The following R3HDM2 variants were observed in gnomAD, a reference collection of about 807,000 sequenced individuals.
R3HDM2 encodes the protein R3H domain-containing protein 2.
Under a neutral mutation model 124.5 loss-of-function variants are expected in R3HDM2, and 38 were observed. That is an observed-to-expected ratio of 0.31 (90% CI 0.24 to 0.40). The LOEUF (loss-of-function observed/expected upper bound fraction) is 0.40. R3HDM2 is among the 10% of genes least tolerant of loss of function. R3HDM2 has a pLI of 1.00. For synonymous variants in R3HDM2, 391 were observed against 448.0 expected, an observed-to-expected ratio of 0.87 and a Z score of 1.61; for missense variants, 869 against 1,236.9, an observed-to-expected ratio of 0.70 and a Z score of 4.46.
chr12:57,387,946 C>T (rs1258755873), intron 2 of R3HDM2, among the ~76,000 whole-genome samples: 8 of 144,890 alleles, frequency 5.5e-5, no homozygotes, highest in Non-Finnish European at 1.0e-4. Context: ...GAAGCAGGGG[C>T]CTCAAGACAG....
intron 12 of R3HDM2, among the ~76,000 whole-genome samples, chr12:57,288,210 T>G (rs2047804057): frequency 6.6e-6 from 1 of 151,922 alleles, no homozygotes; most frequent in South Asian, 2.1e-4. Context: ...TTCACCATCT[T>G]GGCCAGGCTG....
intron 2 of R3HDM2, among the ~76,000 whole-genome samples, chr12:57,370,374 TA>T (rs1378747692): frequency 7.4e-6 from 1 of 135,976 alleles, no homozygotes; most frequent in Non-Finnish European, 1.5e-5. Context: ...CTCATGCCTC[TA>T]ATCACAGCAC....
chr12:57,334,099 C>T (rs867306351), intron 2 of R3HDM2, among the ~76,000 whole-genome samples: 5 of 152,024 alleles, frequency 3.3e-5, no homozygotes, highest in South Asian at 2.1e-4. Context: ...CTCCTCTAGT[C>T]CAGAAGGTCA....
chr12:57,350,372 C>T (rs558382434), intron 2 of R3HDM2, among the ~76,000 whole-genome samples: 3 of 151,862 alleles, frequency 2.0e-5, no homozygotes, highest in African/African-American at 7.2e-5. Context: ...TGTTTAAATT[C>T]CCATAAGAAA....
intron 2 of R3HDM2, among the ~76,000 whole-genome samples, chr12:57,387,966 A>ATTT (rs56926878): frequency 0.64 from 97,005 of 150,936 alleles, 31,859 homozygotes; most frequent in Middle Eastern, 0.85. Flanking sequence ...GACAAAAAAA[A>ATTT]TTTTTTTTTT....
intron 2 of R3HDM2, among the ~76,000 whole-genome samples, chr12:57,390,341 G>C (rs1188584709): frequency 3.3e-5 from 5 of 152,116 alleles, no homozygotes; most frequent in Non-Finnish European, 5.9e-5. Flanking sequence ...TCCAAGAAAT[G>C]TAACAGGGAA....
chr12:57,379,211 A>G (rs557643169), intron 2 of R3HDM2, among the ~76,000 whole-genome samples: 76 of 152,336 alleles, frequency 5.0e-4, no homozygotes, highest in Non-Finnish European at 3.8e-4. Flanking sequence ...AAGAGGGTTA[A>G]TTCTGTTAAA....
At chr12:57,336,153 G>T (rs2058824673) in intron 2 of R3HDM2, among the ~76,000 whole-genome samples, 1 of 151,394 alleles carries the variant, frequency 6.6e-6, no homozygotes. Flanking sequence ...AAAAATAACA[G>T]ATGCTGGTGA....
At chr12:57,273,020 A>C (rs538246084) in intron 14 of R3HDM2, among the ~76,000 whole-genome samples, 1 of 152,276 alleles carries the variant, frequency 6.6e-6, no homozygotes, top group East Asian at 1.9e-4. Flanking sequence ...TTCTGCAGGA[A>C]GGGTCATCCA....
chr12:57,300,089 A>G lies in R3HDM2; in HGVS notation c.294+6T>C. ...AAAGCTACACTTACTCCTGCAAATGACCTACCTGGGTTTCTAATGGCCCAT... is the reference window on the plus strand; with the variant it reads ...AAAGCTACACTTACTCCTGCAAATGGCCTACCTGGGTTTCTAATGGCCCAT... On this transcript the variant is annotated splice_donor_region_variant and intron_variant, in intron 5 of 23. Transcript: ENST00000402412. The G allele has an allele frequency of 6.5e-7, 1 of 1,549,256 alleles. No homozygotes were observed. Among genetic ancestry groups the G allele is most frequent in the South Asian group, 1.2e-5 (1 of 84,010 alleles).
At chr12:57,427,354 G>C (rs1254340348) in intron 1 of R3HDM2, among the ~76,000 whole-genome samples, 2 of 88,376 alleles carry the variant, frequency 2.3e-5, no homozygotes, top group African/African-American at 8.7e-5. Flanking sequence ...CTCTCCTGAA[G>C]CTTTTTTTTT....
At chr12:57,328,133 G>A (rs1303892116) in intron 2 of R3HDM2, among the ~76,000 whole-genome samples, 2 of 149,174 alleles carry the variant, frequency 1.3e-5, no homozygotes, top group South Asian at 2.1e-4. Flanking sequence ...GTGCAGTGGC[G>A]CGATCACAGC....
chr12:57,262,211 T>G lies in R3HDM2; in HGVS notation c.2132-3152A>C, dbSNP rs199569865. On this transcript the variant is annotated intron_variant, in intron 19 of 23. Coordinates refer to ENST00000402412, the MANE Select transcript of R3HDM2 (RefSeq NM_001394031.1). The stretch of plus-strand genomic sequence containing the variant: ...TCCTTTTTTTGGTGGGGGAGTAGGA[T>G]ATCTTCACTAAATGGAAGACGAAAG... 5.9e-5 allele frequency among the ~76,000 whole-genome samples: 9 copies of G among 152,286 alleles called. No homozygotes were observed. The East Asian group carries it at 1.7e-3, about 29-fold the overall frequency.
At chr12:57,290,812 A>G (rs754925652) in intron 11 of R3HDM2, among the ~76,000 whole-genome samples, 7 of 152,132 alleles carry the variant, frequency 4.6e-5, no homozygotes, top group Non-Finnish European at 1.0e-4. Context: ...GGGTTTCTCC[A>G]TGATGGTCAG....
Position 57,427,031 on chromosome 12 carries a change from G to A in R3HDM2, c.-106+3689C>T, listed in dbSNP as rs541463515. ...AATGTGGCTGGGCACAGAGGCTCACGCCTACAATCCCAGCACTTTGGGAGG... is the reference window on the plus strand; with the variant it reads ...AATGTGGCTGGGCACAGAGGCTCACACCTACAATCCCAGCACTTTGGGAGG... On this transcript the variant is annotated intron_variant, in intron 1 of 23. Coordinates refer to ENST00000402412, the MANE Select transcript of R3HDM2 (RefSeq NM_001394031.1). Among the ~76,000 whole-genome samples, 25 of 152,296 alleles carry A rather than the reference G, an allele frequency of 1.6e-4. No homozygotes were observed. In the Middle Eastern group the frequency reaches 0.017, roughly 104 times the overall value.
intron 13 of R3HDM2, among the ~76,000 whole-genome samples, chr12:57,283,398 G>A (rs894351872): frequency 6.6e-6 from 1 of 152,084 alleles, no homozygotes; most frequent in Non-Finnish European, 1.5e-5. Flanking sequence ...CCTTCCCCTG[G>A]CTGTATTAGG....
chr12:57,411,474 A>T (rs1327226755), intron 1 of R3HDM2, among the ~76,000 whole-genome samples: 2 of 152,210 alleles, frequency 1.3e-5, no homozygotes, highest in Non-Finnish European at 2.9e-5. Context: ...CAGAATTGTA[A>T]CTATTTCAAA....
At chr12:57,318,989 G>A (rs2055781143) in intron 2 of R3HDM2, among the ~76,000 whole-genome samples, 1 of 152,106 alleles carries the variant, frequency 6.6e-6, no homozygotes, top group South Asian at 2.1e-4. Context: ...TCTAACTAAG[G>A]GGAGAAATAG....
At chr12:57,410,330 A>C (rs541567956) in intron 1 of R3HDM2, among the ~76,000 whole-genome samples, 3 of 151,680 alleles carry the variant, frequency 2.0e-5, no homozygotes, top group East Asian at 1.9e-4. Flanking sequence ...AAAAAAAAAA[A>C]AAAAAAAAAA....
Sources: allele counts gnomAD v4.1 joint callset (sites outside exome capture counted in the v4.1 genomes callset), GRCh38; gene constraint gnomAD v4.1.1; transcripts MANE v1.5; gene names NCBI Gene and HGNC (gene_info 2026-07-23, HGNC 2026-07-21).